PLD5: variants seen among roughly 807,000 people sequenced by gnomAD.
The protein encoded by PLD5 is inactive phospholipase D5.
In PLD5, 36 loss-of-function variants were observed where a neutral mutation model predicts 61.1. The observed-to-expected ratio is 0.59, with a 90% CI of 0.45 to 0.78. PLD5 has a LOEUF of 0.78. Ranked by LOEUF, PLD5 falls within the 30% of genes least tolerant of loss-of-function variation. The pLI, the probability that PLD5 is intolerant of heterozygous loss-of-function variation, is 0.00. For missense variants in PLD5, 515 were observed against 644.4 expected (o/e 0.80, Z 2.17); for synonymous variants, 243 against 242.8 (o/e 1.00, Z -0.01).
At chr1:242,199,648 C>T (rs1223512913) in intron 5 of PLD5, among the ~76,000 whole-genome samples, 1 of 152,118 alleles carries the variant, frequency 6.6e-6, no homozygotes, top group Non-Finnish European at 1.5e-5. Context: ...ATGTACCCAC[C>T]AAACAACTAC....
intron 2 of PLD5, 136 bp from the exon 3 acceptor site, chr1:242,288,666 A>G: frequency 1.4e-6 from 2 of 1,420,348 alleles, no homozygotes; most frequent in Non-Finnish European, 1.8e-6. Flanking sequence ...CATAATTTAC[A>G]TATTTTTTCC....
At chr1:242,112,317 G>GTATGTAAGTATA (rs1558232882) in intron 7 of PLD5, among the ~76,000 whole-genome samples, 20 of 101,072 alleles carry the variant, frequency 2.0e-4, no homozygotes, top group East Asian at 5.2e-4. Flanking sequence ...GTGTGTGTGT[G>GTATGTAAGTATA]TGTGTGTATG....
chr1:242,396,366 A>G (rs1663572634), intron 1 of PLD5, among the ~76,000 whole-genome samples: 1 of 152,206 alleles, frequency 6.6e-6, no homozygotes, highest in Non-Finnish European at 1.5e-5. Context: ...GGAAATGTCT[A>G]CAAAGAATAA....
intron 1 of PLD5, among the ~76,000 whole-genome samples, chr1:242,394,835 T>TATATATACATATATGTGA (rs1663353687): frequency 2.2e-5 from 3 of 134,522 alleles, no homozygotes; most frequent in African/African-American, 8.3e-5. Flanking sequence ...TATATGTGAA[T>TATATATACATATATGTGA]ATATATACAT....
At chr1:242,396,289 A>G (rs1663568756) in intron 1 of PLD5, among the ~76,000 whole-genome samples, 1 of 152,130 alleles carries the variant, frequency 6.6e-6, no homozygotes, top group Non-Finnish European at 1.5e-5. Flanking sequence ...AGACCTATTA[A>G]ATAACTAGAG....
intron 5 of PLD5, among the ~76,000 whole-genome samples, chr1:242,214,482 A>C (rs931371303): frequency 6.6e-6 from 1 of 152,186 alleles, no homozygotes; most frequent in African/African-American, 2.4e-5. Context: ...TATTACACAC[A>C]GTCAAGCCCA....
At chr1:242,165,860 G>C (rs1666267804) in intron 5 of PLD5, among the ~76,000 whole-genome samples, 1 of 152,084 alleles carries the variant, frequency 6.6e-6, no homozygotes, top group African/African-American at 2.4e-5. Flanking sequence ...GACCATTCAG[G>C]CATTTACCTG....
chr1:242,387,471 C>T (rs1274182483), intron 1 of PLD5, among the ~76,000 whole-genome samples: 1 of 152,086 alleles, frequency 6.6e-6, no homozygotes, highest in Non-Finnish European at 1.5e-5. Flanking sequence ...TGATGACATC[C>T]AGGGCGGAGG....
At chr1:242,384,653 T>C (rs1025426350) in intron 1 of PLD5, among the ~76,000 whole-genome samples, 15 of 152,190 alleles carry the variant, frequency 9.9e-5, no homozygotes, top group African/African-American at 3.6e-4. Flanking sequence ...CTACGCAAAC[T>C]GTAGCAAGCG....
At chr1:242,201,341 T>A (rs1668975550) in intron 5 of PLD5, among the ~76,000 whole-genome samples, 1 of 152,220 alleles carries the variant, frequency 6.6e-6, no homozygotes, top group Non-Finnish European at 1.5e-5. Context: ...TTCCTGCAAG[T>A]CATTGTAAGA....
At chr1:242,243,073 A>T (rs1221847347) in intron 4 of PLD5, among the ~76,000 whole-genome samples, 1 of 152,214 alleles carries the variant, frequency 6.6e-6, no homozygotes, top group Non-Finnish European at 1.5e-5. Context: ...CAGAGTCCTA[A>T]AACAGTAAAA....
intron 4 of PLD5, among the ~76,000 whole-genome samples, chr1:242,228,356 T>C (rs535607459): frequency 3.0e-4 from 46 of 152,310 alleles, no homozygotes; most frequent in Admixed American, 2.7e-3. Context: ...ATTTCTTCCC[T>C]GACGACACGT....
At chr1:242,148,012 C>T (rs561349278) in intron 5 of PLD5, among the ~76,000 whole-genome samples, 2 of 152,226 alleles carry the variant, frequency 1.3e-5, no homozygotes, top group East Asian at 3.9e-4. Context: ...ACAAACAGTA[C>T]TTAATTTTGA....
intron 5 of PLD5, among the ~76,000 whole-genome samples, chr1:242,214,418 T>C (rs985673361): frequency 1.3e-5 from 2 of 152,186 alleles, no homozygotes; most frequent in African/African-American, 4.8e-5. Flanking sequence ...CCACCCTGTG[T>C]GCTCTTTTTC....
chr1:242,213,754 T>C (rs771756631), intron 5 of PLD5, among the ~76,000 whole-genome samples: 13 of 150,048 alleles, frequency 8.7e-5, no homozygotes, highest in Non-Finnish European at 1.3e-4. Context: ...GCAACTAGAT[T>C]GCACAGACAC....
At chr1:242,493,862 G>A (rs939116978) in intron 1 of PLD5, among the ~76,000 whole-genome samples, 22 of 152,158 alleles carry the variant, frequency 1.4e-4, no homozygotes, top group African/African-American at 5.1e-4. Context: ...ATGCACAACC[G>A]CTTTCTTTTT....
Position 242,524,414 on chromosome 1 carries a change from G to C in PLD5, c.-138C>G, listed in dbSNP as rs1480343697. On this transcript the variant is annotated 5_prime_UTR_variant, in exon 1 of 10. Coordinates refer to ENST00000536534, the MANE Select transcript of PLD5 (RefSeq NM_001372062.1). ...ACTGAGCTGGAGGAGCTGGAGGAGC[G>C]AGCGGGCGCGGGGAGCGCGGGGTGC... 15 of 873,446 alleles carry C rather than the reference G, an allele frequency of 1.7e-5. No homozygotes were observed. Among genetic ancestry groups the C allele is most frequent in the Non-Finnish European group, 2.1e-5 (14 of 658,638 alleles). The allele number at this position is 873,446 out of a possible 1,614,324, so 54.1% of individuals were successfully genotyped here. A position where few individuals can be genotyped will look rare whatever the true frequency, so the allele number is the denominator to read the frequency against.
At chr1:242,511,036 G>A (rs763485587) in intron 1 of PLD5, among the ~76,000 whole-genome samples, 4 of 152,012 alleles carry the variant, frequency 2.6e-5, no homozygotes, top group Non-Finnish European at 5.9e-5. Flanking sequence ...GTTAGGAAGG[G>A]GCAGAACATG....
In PLD5 at chr1:242,120,499, G is replaced by A. The variant is rs554017823; in HGVS notation, c.933+3969C>T. On this transcript the variant is annotated intron_variant, in intron 6 of 9. Coordinates refer to ENST00000536534, the MANE Select transcript of PLD5 (RefSeq NM_001372062.1). ...GTAAATTTTATGGTGTGTAAATTAC[G>A]TCTCTGTAAGGCTGTTAAACTAATT... Among the ~76,000 whole-genome samples, 11 of 152,102 alleles carry A rather than the reference G, an allele frequency of 7.2e-5. No individual in the cohort carries two copies. The South Asian group carries it at 8.3e-4, about 12-fold the overall frequency.
Sources: allele counts gnomAD v4.1 joint callset (sites outside exome capture counted in the v4.1 genomes callset), GRCh38; gene constraint gnomAD v4.1.1; transcripts MANE v1.5; gene names NCBI Gene and HGNC (gene_info 2026-07-23, HGNC 2026-07-21).